TTYH2: variants seen among roughly 807,000 people sequenced by gnomAD.
TTYH2 encodes the protein protein tweety homolog 2.
A neutral mutation model predicts 68.3 loss-of-function variants in TTYH2; 49 were observed. The observed-to-expected ratio is 0.72, with a 90% CI of 0.57 to 0.91. The LOEUF is 0.91. TTYH2 is among the 40% of genes least tolerant of loss of function. The probability of loss-of-function intolerance (pLI) is 0.00; values close to 1 mark genes in which losing one functional copy is unlikely to be tolerated. For synonymous variants in TTYH2, 272 were observed against 300.8 expected (o/e 0.90, Z 0.99); for missense variants, 631 against 700.4 (o/e 0.90, Z 1.12).
chr17:74,253,591 G>A (rs2050660410), intron 12 of TTYH2, among the ~76,000 whole-genome samples, 164 bp from the exon 13 acceptor site: 1 of 152,250 alleles, frequency 6.6e-6, no homozygotes, highest in East Asian at 1.9e-4. Flanking sequence ...GGCTTCCCAA[G>A]GTGCTCTTCT....
intron 8 of TTYH2, 27 bp downstream of exon 8, chr17:74,249,426 C>CCCTG: frequency 6.2e-7 from 1 of 1,612,368 alleles, no homozygotes; most frequent in Non-Finnish European, 8.5e-7. Context: ...CCTGCCCTCA[C>CCCTG]CCTGCCCACA....
intron 13 of TTYH2, among the ~76,000 whole-genome samples, chr17:74,258,272 TTTG>T (rs959814007): frequency 1.1e-4 from 16 of 152,058 alleles, no homozygotes; most frequent in African/African-American, 3.6e-4. Context: ...ATGTGCCTTT[TTTG>T]TTTTTTTGAG....
At chr17:74,224,997 T>G in intron 2 of TTYH2, among the ~76,000 whole-genome samples, 1 of 114,216 alleles carries the variant, frequency 8.8e-6, no homozygotes, top group African/African-American at 4.0e-5. Context: ...AGACTCCGTC[T>G]CAAAAAAAAA....
Position 74,217,093 on chromosome 17 carries a change from G to A in TTYH2, c.129+3377G>A, listed in dbSNP as rs770998252. Among the ~76,000 whole-genome samples the A allele has an allele frequency of 2.6e-5, 4 of 152,212 alleles. No homozygotes were observed. The highest frequency in any genetic ancestry group is 9.6e-5 in the African/African-American group (4 of 41,460). On this transcript the variant is annotated intron_variant, in intron 1 of 13. Transcript: ENST00000269346. This position sits in a 1 kb window ranked among gnomAD's most constrained non-coding sequence, Gnocchi z 4.0. ...GGCACTTCGGTGTCCCTGCCTGAGC[G>A]TGAGTGCCACCATCACCATCCAGCC...
chr17:74,214,691 A>G lies in TTYH2; in HGVS notation c.129+975A>G, dbSNP rs1487695829. 6.6e-6 allele frequency among the ~76,000 whole-genome samples: 1 copy of G among 152,172 alleles called. No homozygotes were observed. Among genetic ancestry groups the G allele is most frequent in the Non-Finnish European group, 1.5e-5 (1 of 68,018 alleles). ...CTGGCCCCGGGAGCCCACCTGTATCAGTTCCTTGTGTTGGGTCAAAGATTC... is the reference window on the plus strand; with the variant it reads ...CTGGCCCCGGGAGCCCACCTGTATCGGTTCCTTGTGTTGGGTCAAAGATTC... On this transcript the variant is annotated intron_variant, in intron 1 of 13. Transcript: ENST00000269346. The surrounding 1 kb of genome is among the most constrained non-coding windows in gnomAD (Gnocchi z 4.6).
rs563926300 is a variant in TTYH2 at position 74,246,679 on chromosome 17, C to G, written c.805-2332C>G. ...CTATCACCATGGCATGAGTAATGCACACGTGTATTAGTCCATTTTCACACT... is the reference window on the plus strand; with the variant it reads ...CTATCACCATGGCATGAGTAATGCAGACGTGTATTAGTCCATTTTCACACT... On this transcript the variant is annotated intron_variant, in intron 6 of 13. Coordinates refer to ENST00000269346, the MANE Select transcript of TTYH2 (RefSeq NM_032646.6). 5.9e-5 allele frequency among the ~76,000 whole-genome samples: 9 copies of G among 152,262 alleles called. 1 individual carries two copies. The highest frequency in any genetic ancestry group is 2.2e-4 in the African/African-American group (9 of 41,548).
At position 74,217,344 on chromosome 17, in the gene TTYH2, A is replaced by G. The variant is rs80328797; in HGVS notation, c.129+3628A>G. ...TTGTTAATTTTTTTTGTATTTAGGC[A>G]TGTATTTCCACGTGTTCTCTCATTG... On this transcript the variant is annotated intron_variant, in intron 1 of 13. Coordinates refer to ENST00000269346, the MANE Select transcript of TTYH2 (RefSeq NM_032646.6). This position sits in a 1 kb window ranked among gnomAD's most constrained non-coding sequence, Gnocchi z 4.0. Among the ~76,000 whole-genome samples, 16 of 152,300 alleles carry G rather than the reference A, an allele frequency of 1.1e-4. No homozygotes were observed. Among genetic ancestry groups the G allele is most frequent in the Non-Finnish European group, 2.2e-4 (15 of 68,022 alleles).
At chr17:74,216,576 C>T (rs2050223821) in intron 1 of TTYH2, among the ~76,000 whole-genome samples, 1 of 152,208 alleles carries the variant, frequency 6.6e-6, no homozygotes, top group Non-Finnish European at 1.5e-5. Flanking sequence ...CCCCAGTCCT[C>T]CTGATAGTTG....
intron 3 of TTYH2, among the ~76,000 whole-genome samples, chr17:74,235,713 G>A (rs1174687568): frequency 6.6e-6 from 1 of 151,998 alleles, no homozygotes; most frequent in Admixed American, 6.6e-5. Context: ...CCAACATGGT[G>A]AAACTGTCTC....
At chr17:74,249,193 C>T in intron 7 of TTYH2, 113 bp downstream of exon 7, 1 of 1,566,400 alleles carries the variant, frequency 6.4e-7, no homozygotes. Context: ...CCCTGAACTT[C>T]AAGTCCAGCT....
Position 74,253,791 on chromosome 17 carries a change from CG to C in TTYH2, c.1483del (p.Glu495ArgfsTer5). 1 of 1,614,206 alleles carries C rather than the reference CG, an allele frequency of 6.2e-7. No individual in the cohort carries two copies. The highest frequency in any genetic ancestry group is 8.5e-7 in the Non-Finnish European group (1 of 1,180,038). On this transcript the variant is annotated frameshift_variant, in exon 13 of 14. Transcript: ENST00000269346. LOFTEE classifies it high-confidence loss of function. ...AMLFGRNPRYENVPLIGRASP... is the reference protein window; with the variant it reads ...AMLFGRNPRYXNVPLIGRASP... ...TGCTCTTTGGTAGGAACCCACGCTA[CG>C]AGAACGTGCCACTAATCGGGAGAGC...
intron 3 of TTYH2, among the ~76,000 whole-genome samples, chr17:74,235,141 G>A (rs1328378497): frequency 6.6e-6 from 1 of 152,172 alleles, no homozygotes; most frequent in Non-Finnish European, 1.5e-5. Flanking sequence ...AACAAAGAGA[G>A]CCATTCTCTT....
rs747403668 is a variant in TTYH2, at chr17:74,213,581, C to G, written c.-7C>G. The G allele has an allele frequency of 7.5e-5, 121 of 1,608,596 alleles. No individual in the cohort carries two copies. Among genetic ancestry groups the G allele is most frequent in the Middle Eastern group, 1.9e-4 (1 of 5,234 alleles). On this transcript the variant is annotated 5_prime_UTR_variant, in exon 1 of 14. Coordinates refer to ENST00000269346, the MANE Select transcript of TTYH2 (RefSeq NM_032646.6). The surrounding 1 kb of genome is among the most constrained non-coding windows in gnomAD (Gnocchi z 6.1). ...GTTCAGCTTGTGGGTAGCACTCGGG[C>G]CGAGCCATGCAGGCGGCGCGCGTGG... is the stretch of plus-strand genomic sequence containing the variant.
intron 3 of TTYH2, among the ~76,000 whole-genome samples, chr17:74,233,498 C>T (rs966511214): frequency 2.6e-5 from 4 of 152,156 alleles, no homozygotes; most frequent in African/African-American, 9.7e-5. Context: ...AGGCTGGGAT[C>T]CAGGACGCTG....
chr17:74,213,771 C>T lies in TTYH2; in HGVS notation c.129+55C>T. On this transcript the variant is annotated intron_variant, in intron 1 of 13. Coordinates refer to ENST00000269346, the MANE Select transcript of TTYH2 (RefSeq NM_032646.6). This position sits in a 1 kb window ranked among gnomAD's most constrained non-coding sequence, Gnocchi z 6.1. ...ACGCGCGCCCCAAGTCCCCGCACTA[C>T]CCCCTCTCCCCTCGAGAGCCTGCAC... is the stretch of plus-strand genomic sequence containing the variant. The T allele has an allele frequency of 6.3e-7, 1 of 1,581,670 alleles. No individual in the cohort carries two copies. Among genetic ancestry groups the T allele is most frequent in the Non-Finnish European group, 8.6e-7 (1 of 1,162,248 alleles).
chr17:74,240,576 C>T (rs2050489239), intron 4 of TTYH2, among the ~76,000 whole-genome samples: 1 of 152,188 alleles, frequency 6.6e-6, no homozygotes, highest in Admixed American at 6.5e-5. Flanking sequence ...GCAAAAAAAG[C>T]CCTCCCCTGA....
rs932803654 is a variant in TTYH2 at position 74,232,529 on chromosome 17, G to T, written c.414+1530G>T. Among the ~76,000 whole-genome samples the T allele has an allele frequency of 1.3e-5, 2 of 152,202 alleles. No homozygotes were observed. Among genetic ancestry groups the T allele is most frequent in the South Asian group, 2.1e-4 (1 of 4,834 alleles). On this transcript the variant is annotated intron_variant, in intron 3 of 13. Coordinates refer to ENST00000269346, the MANE Select transcript of TTYH2 (RefSeq NM_032646.6). This position sits in a 1 kb window ranked among gnomAD's most constrained non-coding sequence, Gnocchi z 5.1. The stretch of plus-strand genomic sequence containing the variant: ...AGGAGCTGAGGGACAGCCAGCTCAG[G>T]CCTGGGAGGCAGAGGTGTGGCCTGC...
At chr17:74,259,177 A>G (rs2050722307) in intron 13 of TTYH2, among the ~76,000 whole-genome samples, 3 of 152,032 alleles carry the variant, frequency 2.0e-5, no homozygotes, top group Admixed American at 6.6e-5. Context: ...AAACACTGAT[A>G]GCTCTTTAAA....
At chr17:74,257,773 C>G (rs541223536) in intron 13 of TTYH2, among the ~76,000 whole-genome samples, 67 of 152,340 alleles carry the variant, frequency 4.4e-4, no homozygotes, top group African/African-American at 1.6e-3. Context: ...TTCAGACTTA[C>G]AGAAACAGAA....
Sources: gnomAD v4.1 joint callset for allele counts (sites outside exome capture counted in the v4.1 genomes callset) on GRCh38, gnomAD v4.1.1 for gene constraint, Gnocchi (gnomAD v3.1) non-coding constraint, MANE v1.5 for transcripts, NCBI Gene and HGNC (gene_info 2026-07-23, HGNC 2026-07-21) for gene names.